The following RPS18 variants were observed in gnomAD, a reference collection of about 807,000 sequenced individuals.
The protein encoded by RPS18 is ribosomal protein S18, also known as small ribosomal subunit protein uS13.
For synonymous variants in RPS18, 64 were observed against 70.9 expected (o/e 0.90, Z 0.49); for missense variants, 49 against 200.8 (o/e 0.24, Z 4.57).
Position 33,275,685 on chromosome 6 carries a change from A to G in RPS18, c.103-112A>G, listed in dbSNP as rs182292316. On this transcript the variant is annotated intron_variant, in intron 2 of 5. Transcript: ENST00000439602. Reference sequence around the variant, plus strand: ...GGGTGAGGAAAGGGTGACCTAGGGGATTGCAAAATAGATTATTGCAGATCC... The same window carrying G: ...GGGTGAGGAAAGGGTGACCTAGGGGGTTGCAAAATAGATTATTGCAGATCC... The G allele has an allele frequency of 5.3e-4, 413 of 776,902 alleles. 7 individuals are homozygous for G. In the Admixed American group the frequency reaches 7.4e-3, roughly 14 times the overall value. The allele number at this position is 776,902 out of a possible 1,614,324, so 48.1% of individuals were successfully genotyped here.
intron 1 of RPS18, chr6:33,272,361 G>C: frequency 1.6e-6 from 1 of 608,112 alleles, no homozygotes; most frequent in Non-Finnish European, 2.9e-6. Context: ...GGGAACTCTG[G>C]CTTTTGCCAC....
At chr6:33,272,823 A>G (rs374613231) in intron 2 of RPS18, 97 bp downstream of exon 2, 27 of 758,474 alleles carry the variant, frequency 3.6e-5, no homozygotes, top group South Asian at 3.0e-4. Context: ...CTTGAGTCTC[A>G]TCCAGATCAC....
chr6:33,274,842 T>C (rs1039084571), intron 2 of RPS18, among the ~76,000 whole-genome samples: 3 of 152,164 alleles, frequency 2.0e-5, no homozygotes, highest in African/African-American at 7.2e-5. Flanking sequence ...TTGGACAAAA[T>C]GAGGGGCAGG....
chr6:33,273,948 C>T (rs905783333), intron 2 of RPS18, among the ~76,000 whole-genome samples: 2 of 151,684 alleles, frequency 1.3e-5, no homozygotes, highest in East Asian at 1.9e-4. Flanking sequence ...AATAATTTGA[C>T]CCTTGGTCAT....
chr6:33,276,470 T>C lies in RPS18; in HGVS notation c.*4T>C. ...GGGTGTGTCCAAGAAGAAATAAGTC[T>C]GTAGGCCTTGTCTGTTAATAAATAG... On this transcript the variant is annotated 3_prime_UTR_variant, in exon 6 of 6. Transcript: ENST00000439602. 3 of 1,598,154 alleles carry C rather than the reference T, an allele frequency of 1.9e-6. No homozygotes were observed. The highest frequency in any genetic ancestry group is 2.6e-6 in the Non-Finnish European group (3 of 1,167,518).
At chr6:33,272,227 C>G (rs2150872282) in intron 1 of RPS18, 105 bp downstream of exon 1, 3 of 1,262,114 alleles carry the variant, frequency 2.4e-6, no homozygotes, top group East Asian at 2.5e-5. Flanking sequence ...CTGCGACTTT[C>G]TGTATGGAGC....
At chr6:33,276,313 C>G in intron 5 of RPS18, 46 bp downstream of exon 5, 2 of 1,603,628 alleles carry the variant, frequency 1.2e-6, no homozygotes, top group Non-Finnish European at 1.7e-6. Flanking sequence ...CTCAGCATTC[C>G]TCCTACTCGC....
At position 33,276,482 on chromosome 6, in the gene RPS18, CTG is replaced by C. The variant is rs1378913415; in HGVS notation, c.*18_*19del. On this transcript the variant is annotated 3_prime_UTR_variant, in exon 6 of 6. Transcript: ENST00000439602. ...GAAGAAATAAGTCTGTAGGCCTTGT[CTG>C]TTAATAAATAGTTTATATACCTATG... 6.4e-7 allele frequency: 1 copy of C among 1,571,636 alleles called. No homozygotes were observed. Among genetic ancestry groups the C allele is most frequent in the Admixed American group, 1.8e-5 (1 of 57,084 alleles).
chr6:33,276,116 C>A, intron 4 of RPS18, 50 bp downstream of exon 4: 1 of 1,605,138 alleles, frequency 6.2e-7, no homozygotes, highest in African/African-American at 1.3e-5. Context: ...AGGGTCCTAA[C>A]AGAATTGGGC....
At chr6:33,273,061 C>T (rs1266257801) in intron 2 of RPS18, among the ~76,000 whole-genome samples, 1 of 152,200 alleles carries the variant, frequency 6.6e-6, no homozygotes, top group Non-Finnish European at 1.5e-5. Context: ...TTACCCATCC[C>T]ACCATCATAA....
rs1765259343 is a variant in RPS18 at position 33,272,340 on chromosome 6, G to A, written c.3+218G>A. 3 of 617,582 alleles carry A rather than the reference G, an allele frequency of 4.9e-6. No homozygotes were observed. The East Asian group carries it at 8.2e-5, about 17-fold the overall frequency. 38.3% of individuals were successfully genotyped at this position (617,582 alleles called of 1,614,324 possible). A position where few individuals can be genotyped will look rare whatever the true frequency, so the allele number is the denominator to read the frequency against. ...GGCGCACGAAAGCTGTCTAAGGCTT[G>A]GGCGTATATGGGGAACTCTGGCTTT... On this transcript the variant is annotated intron_variant, in intron 1 of 5. Coordinates refer to ENST00000439602, the MANE Select transcript of RPS18 (RefSeq NM_022551.3).
chr6:33,276,163 CCT>C lies in RPS18; in HGVS notation c.292-10_292-9del. On this transcript the variant is annotated splice_polypyrimidine_tract_variant and intron_variant, in intron 4 of 5. Transcript: ENST00000439602. ...GGGGATAAAACATCCCTTGCCCCCT[CCT>C]CTGAATCCAGGTCCTAGCCAATGGT... The C allele has an allele frequency of 6.2e-7, 1 of 1,613,774 alleles. No homozygotes were observed.
At chr6:33,272,282 C>T in intron 1 of RPS18, 160 bp downstream of exon 1, 1 of 833,422 alleles carries the variant, frequency 1.2e-6, no homozygotes, top group Non-Finnish European at 1.9e-6. Flanking sequence ...TTTCCAATTC[C>T]GGAGAGCGGG....
At position 33,273,279 on chromosome 6, in the gene RPS18, T is replaced by C. The variant is rs190672476; in HGVS notation, c.102+553T>C. The stretch of plus-strand genomic sequence containing the variant: ...TGTGAAGGAGTACATCCATCTTTCT[T>C]TGGCTTTTAAGAATCGAATCAATGA... On this transcript the variant is annotated intron_variant, in intron 2 of 5. Transcript: ENST00000439602. Among the ~76,000 whole-genome samples the C allele has an allele frequency of 5.3e-5, 8 of 152,364 alleles. 1 individual carries two copies. In the East Asian group the frequency reaches 1.5e-3, roughly 29 times the overall value.
chr6:33,275,220 AT>A (rs1765544763), intron 2 of RPS18: 1 of 154,828 alleles, frequency 6.5e-6, no homozygotes, highest in African/African-American at 2.4e-5. Context: ...ACAACTACAT[AT>A]GCTGAGCAAT....
chr6:33,273,633 C>T (rs534585148), intron 2 of RPS18, among the ~76,000 whole-genome samples: 24 of 152,162 alleles, frequency 1.6e-4, no homozygotes, highest in African/African-American at 5.8e-4. Flanking sequence ...TTTCAGAGAC[C>T]GGCTGTGAGG....
chr6:33,273,079 C>T (rs892636115), intron 2 of RPS18, among the ~76,000 whole-genome samples: 7 of 152,154 alleles, frequency 4.6e-5, no homozygotes, highest in African/African-American at 1.4e-4. Flanking sequence ...TAACAGCAAC[C>T]CTTCCTGCGA....
At chr6:33,275,095 GAC>G (rs1765534275) in intron 2 of RPS18, among the ~76,000 whole-genome samples, 1 of 152,170 alleles carries the variant, frequency 6.6e-6, no homozygotes, top group Non-Finnish European at 1.5e-5. Flanking sequence ...CTGAGGAACT[GAC>G]AGCCCAATAC....
At chr6:33,274,760 T>C (rs183735961) in intron 2 of RPS18, among the ~76,000 whole-genome samples, 5 of 152,304 alleles carry the variant, frequency 3.3e-5, no homozygotes, top group Admixed American at 3.3e-4. Flanking sequence ...CCTAATCAAA[T>C]ATAACGTCAT....
Sources: gnomAD v4.1 joint callset for allele counts (sites outside exome capture counted in the v4.1 genomes callset) on GRCh38, gnomAD v4.1.1 for gene constraint, MANE v1.5 for transcripts, NCBI Gene and HGNC (gene_info 2026-07-23, HGNC 2026-07-21) for gene names.